The following GCC1 variants were observed in gnomAD, a reference collection of about 807,000 sequenced individuals.
GCC1 encodes the protein GRIP and coiled-coil domain-containing protein 1.
A neutral mutation model predicts 62.5 loss-of-function variants in GCC1; 36 were observed. That is an observed-to-expected ratio of 0.58 (90% CI 0.44 to 0.76). GCC1 has a LOEUF of 0.76. GCC1 is among the 30% of genes least tolerant of loss of function. GCC1 has a pLI of 0.00. For synonymous variants in GCC1, 391 were observed against 386.8 expected (o/e 1.01, Z -0.13); for missense variants, 885 against 948.3 (o/e 0.93, Z 0.88).
chr7:127,582,042 G>C lies in GCC1; in HGVS notation c.2300C>G (p.Ala767Gly). Residue 767 changes from alanine (A) to glycine (G), a missense_variant, in exon 2 of 2, where the codon GCC (alanine) becomes GGC (glycine). Coordinates refer to ENST00000321407, the MANE Select transcript of GCC1 (RefSeq NM_024523.6). The surrounding 1 kb of genome is among the most constrained non-coding windows in gnomAD (Gnocchi z 4.8). Reference sequence around the variant, plus strand: ...TCTCTTGCCAGAAGGCCACCAGCTGGCACTGGTTGGGAGTCGCATTATCAC... The same window carrying C: ...TCTCTTGCCAGAAGGCCACCAGCTGCCACTGGTTGGGAGTCGCATTATCAC... Reference protein sequence around the residue: ...KQVIMRLPTSASWWPSGKR With the variant: ...KQVIMRLPTSGSWWPSGKR The C allele has an allele frequency of 6.2e-7, 1 of 1,612,740 alleles. No individual in the cohort carries two copies. Among genetic ancestry groups the C allele is most frequent in the Non-Finnish European group, 8.5e-7 (1 of 1,178,800 alleles).
rs373459451 is a variant in GCC1 at position 127,585,064 on chromosome 7, C to A, written c.119G>T (p.Arg40Leu). 1.3e-4 allele frequency: 212 copies of A among 1,614,176 alleles called. No individual in the cohort carries two copies. Among genetic ancestry groups the A allele is most frequent in the Non-Finnish European group, 1.6e-4 (190 of 1,180,046 alleles). The change falls in exon 1 of 2, where the codon CGT (arginine) becomes CTT (leucine). Residue 40 changes from arginine to leucine, a missense_variant. By Grantham distance (102) the Arg-to-Leu change is moderately radical. Transcript: ENST00000321407. ...QYQARLKDVV[R>L]AYKSLLKEKE... ...CTCCTTCAGCAGGCTTTTATAGGCA[C>A]GGACCACATCCTTGAGCCGTGCCTG... is the stretch of plus-strand genomic sequence containing the variant.
chr7:127,584,314 A>C lies in GCC1; in HGVS notation c.869T>G (p.Leu290Arg), dbSNP rs745860673. 8.7e-6 allele frequency: 14 copies of C among 1,613,572 alleles called. No individual in the cohort carries two copies. The South Asian group carries it at 1.5e-4, about 18-fold the overall frequency. Residue 290 changes from leucine (L) to arginine (R), a missense_variant, in exon 1 of 2, where the codon CTG becomes CGG. Transcript: ENST00000321407. ...CTCACGGGTCAGCTGCTTGGTCTGCAGTTCAAATCCTTCCATCTGTTCAGC... is the reference window on the plus strand; with the variant it reads ...CTCACGGGTCAGCTGCTTGGTCTGCCGTTCAAATCCTTCCATCTGTTCAGC... ...YAAEQMEGFE[L>R]QTKQLTREVE...
rs1292995601 is a variant in GCC1, at chr7:127,585,425, C to T, written c.-243G>A. 1 of 539,860 alleles carries T rather than the reference C, an allele frequency of 1.9e-6. No individual in the cohort carries two copies. Among genetic ancestry groups the T allele is most frequent in the Non-Finnish European group, 3.3e-6 (1 of 305,066 alleles). 33.4% of individuals were successfully genotyped at this position (539,860 alleles called of 1,614,324 possible). A position where few individuals can be genotyped will look rare whatever the true frequency, so the allele number is the denominator to read the frequency against. On this transcript the variant is annotated 5_prime_UTR_variant, in exon 1 of 2. The change creates a new upstream start codon in the 5' untranslated region. Coordinates refer to ENST00000321407, the MANE Select transcript of GCC1 (RefSeq NM_024523.6). ...CCCCGGAGGCGGGGCGACACTGGCACCAGAGGTGCGCACTGCCAGGGCTCG... is the reference window on the plus strand; with the variant it reads ...CCCCGGAGGCGGGGCGACACTGGCATCAGAGGTGCGCACTGCCAGGGCTCG...
chr7:127,584,580 A>G lies in GCC1; in HGVS notation c.603T>C (p.Ser201=). The part of the protein sequence containing the change: ...KKMKQDLEDA[S]NKAEEERARL... ...GGGCCCTCTCCTCCTCCGCCTTGTT[A>G]CTGGCATCCTCTAAGTCCTGTTTCA... Residue 201 remains serine (S), a synonymous_variant, in exon 1 of 2, where the codon AGT becomes AGC. Transcript: ENST00000321407. The G allele has an allele frequency of 6.2e-7, 1 of 1,613,920 alleles. No homozygotes were observed. Among genetic ancestry groups the G allele is most frequent in the South Asian group, 1.1e-5 (1 of 91,068 alleles).
At position 127,583,248 on chromosome 7, in the gene GCC1, G is replaced by C. The variant is rs1232899741; in HGVS notation, c.1094C>G (p.Ala365Gly). 1.9e-6 allele frequency: 3 copies of C among 1,612,996 alleles called. No individual in the cohort carries two copies. The highest frequency in any genetic ancestry group is 2.5e-6 in the Non-Finnish European group (3 of 1,179,500). ...CACCTCGGATATTTGATTCTCCAGG[G>C]CTGCCACCCTCTGTTCTTCTACCTG... is the stretch of plus-strand genomic sequence containing the variant. The part of the protein sequence containing the change: ...QSQVEEQRVA[A>G]LENQISEVSE... The change falls in exon 2 of 2, where the codon GCC becomes GGC. Residue 365 changes from alanine to glycine, a missense_variant. Transcript: ENST00000321407.
rs370968860 is a variant in GCC1, at chr7:127,582,326, C to T, written c.2016G>A (p.Lys672=). 1.3e-5 allele frequency: 21 copies of T among 1,614,108 alleles called. No homozygotes were observed. Among genetic ancestry groups the T allele is most frequent in the South Asian group, 2.2e-5 (2 of 91,090 alleles). Residue 672 remains lysine, a synonymous_variant, in exon 2 of 2, where the codon AAG becomes AAA. Transcript: ENST00000321407. The surrounding 1 kb of genome is among the most constrained non-coding windows in gnomAD (Gnocchi z 4.8). ...RKEVEITSLR[K]QKHRLEVEVH... ...CCTCGACCTCCAGCCTGTGCTTCTGCTTCCTCAGTGATGTGATCTCCACCT... is the reference window on the plus strand; with the variant it reads ...CCTCGACCTCCAGCCTGTGCTTCTGTTTCCTCAGTGATGTGATCTCCACCT...
In GCC1 at chr7:127,581,887, A is replaced by G; in HGVS notation, c.*127T>C. The G allele has an allele frequency of 1.4e-6, 1 of 739,456 alleles. No individual in the cohort carries two copies. The highest frequency in any genetic ancestry group is 2.2e-6 in the Non-Finnish European group (1 of 453,580). The allele number at this position is 739,456 out of a possible 1,614,324, so 45.8% of individuals were successfully genotyped here. A position where few individuals can be genotyped will look rare whatever the true frequency, so the allele number is the denominator to read the frequency against. On this transcript the variant is annotated 3_prime_UTR_variant, in exon 2 of 2. Transcript: ENST00000321407. ...GGCAGAAAATCCCTTCCCACATTGA[A>G]GACTCCTCCCAGCTCAACACAGTGA...
chr7:127,584,195 G>A lies in GCC1; in HGVS notation c.988C>T (p.Leu330Phe). The change falls in exon 1 of 2, where the codon CTT (leucine) becomes TTT (phenylalanine). Residue 330 changes from leucine (L) to phenylalanine (F), a missense_variant. Coordinates refer to ENST00000321407, the MANE Select transcript of GCC1 (RefSeq NM_024523.6). ...AACTGAGCCTGGAAATGGCTCTTAA[G>A]GCGGGCAGCCTCTTCCTGAAGTTCT... is the stretch of plus-strand genomic sequence containing the variant. Reference protein sequence around the residue: ...LQELQEEAARLKSHFQAQLQQ... With the variant: ...LQELQEEAARFKSHFQAQLQQ... 1 of 1,613,924 alleles carries A rather than the reference G, an allele frequency of 6.2e-7. No homozygotes were observed. The highest frequency in any genetic ancestry group is 1.1e-5 in the South Asian group (1 of 91,060).
In GCC1 at chr7:127,581,087, C is replaced by CT. The variant is rs1393304256; in HGVS notation, c.*926dup. The stretch of plus-strand genomic sequence containing the variant: ...GGAATTTTCTGCAGCAAATTTTCCC[C>CT]TTTTGCTGTCCCTACAAAGGCAGAA... On this transcript the variant is annotated 3_prime_UTR_variant, in exon 2 of 2. Transcript: ENST00000321407. 1 of 152,190 alleles carries CT rather than the reference C, an allele frequency of 6.6e-6. No individual in the cohort carries two copies. Among genetic ancestry groups the CT allele is most frequent in the African/African-American group, 2.4e-5 (1 of 41,434 alleles). The allele number at this position is 152,190 out of a possible 1,614,324, so 9.4% of individuals were successfully genotyped here.
rs1287634288 is a variant in GCC1 at position 127,585,337 on chromosome 7, G to C, written c.-155C>G. ...AGTTATCCCGGACCTAATGCGGAAC[G>C]GCCGGACGGACTGGCGAAAGCGGCC... On this transcript the variant is annotated 5_prime_UTR_variant, in exon 1 of 2. Transcript: ENST00000321407. The C allele has an allele frequency of 6.8e-6, 5 of 736,952 alleles. No individual in the cohort carries two copies. Among genetic ancestry groups the C allele is most frequent in the Non-Finnish European group, 1.1e-5 (5 of 467,620 alleles). The allele number at this position is 736,952 out of a possible 1,614,324, so 45.7% of individuals were successfully genotyped here. A position where few individuals can be genotyped will look rare whatever the true frequency, so the allele number is the denominator to read the frequency against.
At position 127,584,396 on chromosome 7, in the gene GCC1, C is replaced by A; in HGVS notation, c.787G>T (p.Asp263Tyr). The A allele has an allele frequency of 6.2e-7, 1 of 1,614,016 alleles. No individual in the cohort carries two copies. Among genetic ancestry groups the A allele is most frequent in the Admixed American group, 1.7e-5 (1 of 59,994 alleles). Residue 263 changes from aspartate to tyrosine, a missense_variant, in exon 1 of 2, where the codon GAC becomes TAC. Physicochemically the swap from Asp to Tyr is radical, Grantham distance 160 (BLOSUM62 -3). Transcript: ENST00000321407. ...GTCTCTTCTAACCTAAGCTCCAAGT[C>A]CTGGCGCTGGGTCCTCTCCTCCTGC... is the stretch of plus-strand genomic sequence containing the variant. ...LLQEERTQRQ[D>Y]LELRLEETRE...
chr7:127,583,992 C>G (rs956149091), intron 1 of GCC1, among the ~76,000 whole-genome samples, 159 bp downstream of exon 1: 31 of 152,200 alleles, frequency 2.0e-4, no homozygotes, highest in Non-Finnish European at 4.6e-4. Context: ...GTCAACACCG[C>G]ATAGAACAGG....
Position 127,581,784 on chromosome 7 carries a change from T to C in GCC1, c.*230A>G, listed in dbSNP as rs531586130. The C allele has an allele frequency of 1.8e-6, 1 of 556,132 alleles. No individual in the cohort carries two copies. The highest frequency in any genetic ancestry group is 3.2e-6 in the Non-Finnish European group (1 of 312,566). 34.4% of individuals were successfully genotyped at this position (556,132 alleles called of 1,614,324 possible). On this transcript the variant is annotated 3_prime_UTR_variant, in exon 2 of 2. Coordinates refer to ENST00000321407, the MANE Select transcript of GCC1 (RefSeq NM_024523.6). Reference sequence around the variant, plus strand: ...GTCCTAACCTCATCTTCTCCTCACATGCACACCATCAGAAGATACTGCCCC... The same window carrying C: ...GTCCTAACCTCATCTTCTCCTCACACGCACACCATCAGAAGATACTGCCCC...
At chr7:127,583,478 C>T (rs1183978587) in intron 1 of GCC1, among the ~76,000 whole-genome samples, 169 bp from the exon 2 acceptor site, 2 of 152,168 alleles carry the variant, frequency 1.3e-5, no homozygotes, top group Non-Finnish European at 2.9e-5. Context: ...CTATTACCTG[C>T]TTGGATTCTG....
rs1794188621 is a variant in GCC1 at position 127,585,250 on chromosome 7, G to A, written c.-68C>T. The stretch of plus-strand genomic sequence containing the variant: ...ACGGGAGAGGGCCGTGAAGACGCAG[G>A]CGGGGGCTTAAAGAAACAGCGAGCG... On this transcript the variant is annotated 5_prime_UTR_variant, in exon 1 of 2. Coordinates refer to ENST00000321407, the MANE Select transcript of GCC1 (RefSeq NM_024523.6). 1.4e-6 allele frequency: 2 copies of A among 1,444,564 alleles called. No individual in the cohort carries two copies. The highest frequency in any genetic ancestry group is 4.6e-5 in the East Asian group (2 of 43,754). The allele number at this position is 1,444,564 out of a possible 1,614,324, so 89.5% of individuals were successfully genotyped here. A position where few individuals can be genotyped will look rare whatever the true frequency, so the allele number is the denominator to read the frequency against.
Position 127,582,853 on chromosome 7 carries a change from T to G in GCC1, c.1489A>C (p.Met497Leu). ...CTTTTGAGGACAACCTGGGCTCTCA[T>G]CTTGTACCTCTCAAACTCTTCCTTC... The part of the protein sequence containing the change: ...QLKEEFERYK[M>L]RAQVVLKSKN... The change falls in exon 2 of 2, where the codon ATG becomes CTG. Residue 497 changes from methionine to leucine, a missense_variant. Coordinates refer to ENST00000321407, the MANE Select transcript of GCC1 (RefSeq NM_024523.6). The surrounding 1 kb of genome is among the most constrained non-coding windows in gnomAD (Gnocchi z 4.8). The G allele has an allele frequency of 4.3e-6, 7 of 1,614,178 alleles. No homozygotes were observed. Among genetic ancestry groups the G allele is most frequent in the Non-Finnish European group, 5.9e-6 (7 of 1,180,022 alleles).
rs1794151618 is a variant in GCC1 at position 127,582,640 on chromosome 7, C to G, written c.1702G>C (p.Glu568Gln). Residue 568 changes from glutamate (E) to glutamine (Q), a missense_variant, in exon 2 of 2, where the codon GAG (glutamate) becomes CAG (glutamine). Glu to Gln is a conservative substitution (Grantham distance 29). Coordinates refer to ENST00000321407, the MANE Select transcript of GCC1 (RefSeq NM_024523.6). This position sits in a 1 kb window ranked among gnomAD's most constrained non-coding sequence, Gnocchi z 4.8. ...TCCCTGAAGTCCAGCTGGCACCGCT[C>G]CAGCTCCTGCCGGTGGAGCTGCTGC... is the stretch of plus-strand genomic sequence containing the variant. ...RLQQLHRQELERCQLDFRDRT... is the reference protein window; with the variant it reads ...RLQQLHRQELQRCQLDFRDRT... 1 of 1,613,292 alleles carries G rather than the reference C, an allele frequency of 6.2e-7. No homozygotes were observed. Among genetic ancestry groups the G allele is most frequent in the Non-Finnish European group, 8.5e-7 (1 of 1,180,016 alleles).
Position 127,582,607 on chromosome 7 carries a change from G to A in GCC1, c.1735C>T (p.Leu579=), listed in dbSNP as rs1431303365. Residue 579 remains leucine, a synonymous_variant, in exon 2 of 2, where the codon CTG becomes TTG. Coordinates refer to ENST00000321407, the MANE Select transcript of GCC1 (RefSeq NM_024523.6). This position sits in a 1 kb window ranked among gnomAD's most constrained non-coding sequence, Gnocchi z 4.8. ...RCQLDFRDRT[L]KLEEELHKQR... is the part of the protein sequence containing the mutation. Reference sequence around the variant, plus strand: ...TTGTGCAGCTCCTCCTCCAGTTTCAGTGTGCGGTCCCTGAAGTCCAGCTGG... The same window carrying A: ...TTGTGCAGCTCCTCCTCCAGTTTCAATGTGCGGTCCCTGAAGTCCAGCTGG... 5.0e-6 allele frequency: 8 copies of A among 1,612,590 alleles called. No individual in the cohort carries two copies. Among genetic ancestry groups the A allele is most frequent in the Non-Finnish European group, 6.8e-6 (8 of 1,179,958 alleles).
chr7:127,581,314 T>G lies in GCC1; in HGVS notation c.*700A>C, dbSNP rs1281332787. The stretch of plus-strand genomic sequence containing the variant: ...AAGGCAAGGATAGGCAAGAAAGGTC[T>G]ATTTTAACCCTATCCAGGCAAAAAG... On this transcript the variant is annotated 3_prime_UTR_variant, in exon 2 of 2. Coordinates refer to ENST00000321407, the MANE Select transcript of GCC1 (RefSeq NM_024523.6). 1 of 152,266 alleles carries G rather than the reference T, an allele frequency of 6.6e-6. No individual in the cohort carries two copies. The highest frequency in any genetic ancestry group is 1.5e-5 in the Non-Finnish European group (1 of 68,058). The allele number at this position is 152,266 out of a possible 1,614,324, so 9.4% of individuals were successfully genotyped here. A position where few individuals can be genotyped will look rare whatever the true frequency, so the allele number is the denominator to read the frequency against.
Sources: gnomAD v4.1 joint callset for allele counts (sites outside exome capture counted in the v4.1 genomes callset) on GRCh38, gnomAD v4.1.1 for gene constraint, Gnocchi (gnomAD v3.1) non-coding constraint, MANE v1.5 for transcripts, NCBI Gene and HGNC (gene_info 2026-07-23, HGNC 2026-07-21) for gene names.